Variants in MCCC2 observed in about 807,000 individuals in gnomAD.
MCCC2 encodes the protein methylcrotonyl-CoA carboxylase subunit 2.
In MCCC2, 52 loss-of-function variants were observed where a neutral mutation model predicts 77.2. That is an observed-to-expected ratio of 0.67 (90% CI 0.54 to 0.85). The LOEUF is 0.85. Among genes scored for constraint, MCCC2 ranks in the 40% least tolerant of loss-of-function variants. The pLI is 0.00. For missense variants in MCCC2, 682 were observed against 703.2 expected (o/e 0.97, Z 0.34); for synonymous variants, 253 against 248.4 (o/e 1.02, Z -0.18).
At chr5:71,643,521 T>C (rs888412759) in intron 11 of MCCC2, among the ~76,000 whole-genome samples, 6 of 152,192 alleles carry the variant, frequency 3.9e-5, no homozygotes, top group African/African-American at 1.4e-4. Flanking sequence ...TACTAGACAC[T>C]CAGATATATT....
At chr5:71,638,098 A>G (rs752422518) in intron 10 of MCCC2, among the ~76,000 whole-genome samples, 12 of 152,166 alleles carry the variant, frequency 7.9e-5, no homozygotes, top group South Asian at 2.1e-4. Context: ...TATATCCGTA[A>G]TTGTCATTTC....
At chr5:71,632,363 C>G (rs1236411877) in intron 8 of MCCC2, among the ~76,000 whole-genome samples, 178 bp downstream of exon 8, 1 of 152,148 alleles carries the variant, frequency 6.6e-6, no homozygotes, top group Non-Finnish European at 1.5e-5. Flanking sequence ...CATTTCCAAG[C>G]TAGAGCATCA....
intron 12 of MCCC2, 137 bp downstream of exon 12, chr5:71,644,032 C>CCTGTGTGT: frequency 3.7e-6 from 2 of 538,734 alleles, no homozygotes; most frequent in Admixed American, 3.3e-5. Context: ...TGTGCGCGGG[C>CCTGTGTGT]ATGTGTGTGT....
At chr5:71,649,284 A>G in intron 14 of MCCC2, 31 bp downstream of exon 14, 1 of 1,597,840 alleles carries the variant, frequency 6.3e-7, no homozygotes, top group Non-Finnish European at 8.6e-7. Context: ...TGAAACAAAG[A>G]AACATGCTTC....
intron 6 of MCCC2, among the ~76,000 whole-genome samples, chr5:71,620,066 C>G (rs572742591): frequency 1.3e-5 from 2 of 151,982 alleles, no homozygotes; most frequent in Non-Finnish European, 2.9e-5. Context: ...TGTTTGATTT[C>G]TTTGAGGCTC....
chr5:71,645,457 G>T (rs1468890738), intron 12 of MCCC2, among the ~76,000 whole-genome samples: 1 of 152,084 alleles, frequency 6.6e-6, no homozygotes, highest in Admixed American at 6.6e-5. Flanking sequence ...TAAACTCAAG[G>T]TTAGAAGATT....
chr5:71,609,420 A>C, intron 6 of MCCC2, among the ~76,000 whole-genome samples: 1 of 150,634 alleles, frequency 6.6e-6, no homozygotes, highest in Non-Finnish European at 1.5e-5. Flanking sequence ...CAGCTCCATC[A>C]GCTCCTTTAA....
chr5:71,596,737 T>C (rs1383935609), intron 3 of MCCC2, among the ~76,000 whole-genome samples: 1 of 151,950 alleles, frequency 6.6e-6, no homozygotes, highest in Non-Finnish European at 1.5e-5. Context: ...GTCAGGAGAT[T>C]GAGACCATCT....
At chr5:71,619,788 G>A (rs1029835045) in intron 6 of MCCC2, among the ~76,000 whole-genome samples, 3 of 152,026 alleles carry the variant, frequency 2.0e-5, no homozygotes, top group Non-Finnish European at 2.9e-5. Context: ...TCAGGAGATC[G>A]AGACCATCCT....
intron 6 of MCCC2, among the ~76,000 whole-genome samples, chr5:71,618,341 ACTTGCCCTCT>A (rs1240101864): frequency 6.6e-6 from 1 of 152,156 alleles, no homozygotes; most frequent in East Asian, 1.9e-4. Flanking sequence ...TCTCACACAC[ACTTGCCCTCT>A]CTTGCCCTCC....
At chr5:71,619,419 A>AATTTTT (rs1400411022) in intron 6 of MCCC2, among the ~76,000 whole-genome samples, 1 of 151,680 alleles carries the variant, frequency 6.6e-6, no homozygotes, top group Admixed American at 6.6e-5. Context: ...TTGCCTGGCT[A>AATTTTT]ATTTTTATTT....
chr5:71,587,346 C>T lies in MCCC2; in HGVS notation c.-80C>T, dbSNP rs1744796643. ...GCTGCAAGGACCTGAGCTCAGCTTC[C>T]GCCCCAGCCAGGGAAGCGGCAGGGG... On this transcript the variant is annotated 5_prime_UTR_variant, in exon 1 of 17. Transcript: ENST00000340941. The T allele has an allele frequency of 7.3e-6, 11 of 1,506,624 alleles. No homozygotes were observed. The highest frequency in any genetic ancestry group is 9.7e-6 in the Non-Finnish European group (11 of 1,131,970). 93.3% of individuals were successfully genotyped at this position (1,506,624 alleles called of 1,614,324 possible). A position where few individuals can be genotyped will look rare whatever the true frequency, so the allele number is the denominator to read the frequency against.
At chr5:71,597,205 T>A (rs911997203) in intron 3 of MCCC2, among the ~76,000 whole-genome samples, 7 of 151,186 alleles carry the variant, frequency 4.6e-5, no homozygotes, top group African/African-American at 1.5e-4. Context: ...GAGGTGGGAG[T>A]GTGCCAGGTA....
Position 71,643,834 on chromosome 5 carries a change from T to G in MCCC2, c.1088T>G (p.Phe363Cys), listed in dbSNP as rs915555207. 3 of 1,614,060 alleles carry G rather than the reference T, an allele frequency of 1.9e-6. No homozygotes were observed. The African/African-American group carries it at 4.0e-5, about 22-fold the overall frequency. Residue 363 changes from phenylalanine to cysteine, a missense_variant, in exon 12 of 17, where the codon TTT (phenylalanine) becomes TGT (cysteine). By Grantham distance (205) the Phe-to-Cys change is radical (BLOSUM62 -2). Transcript: ENST00000340941. ...TTCTTTTGAGGATTTGCTCGAATAT[T>G]TGGGTACCCAGTAGGTATCGTTGGA... ...DTLVTGFARI[F>C]GYPVGIVGNN...
intron 8 of MCCC2, among the ~76,000 whole-genome samples, chr5:71,633,133 T>TATATATATATATTTA (rs1561841506): frequency 8.8e-6 from 1 of 113,020 alleles, no homozygotes; most frequent in African/African-American, 4.2e-5. Context: ...ATATATATAT[T>TATATATATATATTTA]TTTATTTTTT....
chr5:71,598,957 C>T (rs1745313796), intron 3 of MCCC2, among the ~76,000 whole-genome samples: 2 of 152,126 alleles, frequency 1.3e-5, no homozygotes, highest in South Asian at 4.2e-4. Context: ...TGGGGTTTCC[C>T]CGTGTTGCTC....
chr5:71,611,653 T>C (rs151004325), intron 6 of MCCC2, among the ~76,000 whole-genome samples: 4 of 152,296 alleles, frequency 2.6e-5, no homozygotes, highest in African/African-American at 9.6e-5. Context: ...ATATTATTTG[T>C]GTATAAACAT....
At position 71,624,016 on chromosome 5, in the gene MCCC2, G is replaced by A. The variant is rs569892477; in HGVS notation, c.625-2624G>A. On this transcript the variant is annotated intron_variant, in intron 6 of 16. Coordinates refer to ENST00000340941, the MANE Select transcript of MCCC2 (RefSeq NM_022132.5). The stretch of plus-strand genomic sequence containing the variant: ...AGACTACTGGGTGTCTTAAAAAACA[G>A]ACATTTATTTCTCATAACTCTGGAG... Among the ~76,000 whole-genome samples the A allele has an allele frequency of 5.9e-5, 9 of 152,294 alleles. No individual in the cohort carries two copies. The South Asian group carries it at 1.7e-3, about 28-fold the overall frequency.
chr5:71,650,132 C>G lies in MCCC2; in HGVS notation c.1437C>G (p.Ala479=). The G allele has an allele frequency of 1.2e-6, 2 of 1,614,198 alleles. No individual in the cohort carries two copies. Among genetic ancestry groups the G allele is most frequent in the South Asian group, 2.2e-5 (2 of 91,076 alleles). Residue 479 remains alanine, a synonymous_variant, in exon 15 of 17, where the codon GCC becomes GCG. Coordinates refer to ENST00000340941, the MANE Select transcript of MCCC2 (RefSeq NM_022132.5). ...RISVMGGEQA[A]NVLATITKDQ... ...CAGTGATGGGAGGAGAGCAGGCAGC[C>G]AATGTGTTGGCCACGATAACAAAGG...
Sources: gnomAD v4.1 joint callset for allele counts (sites outside exome capture counted in the v4.1 genomes callset) on GRCh38, gnomAD v4.1.1 for gene constraint, MANE v1.5 for transcripts, NCBI Gene and HGNC (gene_info 2026-07-23, HGNC 2026-07-21) for gene names.